The following PPFIA1 variants were observed in gnomAD, a reference collection of about 807,000 sequenced individuals.
PPFIA1 encodes the protein liprin-alpha-1.
In PPFIA1, 25 loss-of-function variants were observed where a neutral mutation model predicts 149.9. That is an observed-to-expected ratio of 0.17 (90% CI 0.12 to 0.23). The LOEUF is 0.23. PPFIA1 is among the 10% of genes least tolerant of loss of function. The pLI is 1.00. For missense variants in PPFIA1, 1,362 were observed against 1,506.5 expected (o/e 0.90, Z 1.59); for synonymous variants, 549 against 552.8 (o/e 0.99, Z 0.10).
chr11:70,289,807 T>C (rs1404219544), intron 2 of PPFIA1, among the ~76,000 whole-genome samples: 2 of 152,212 alleles, frequency 1.3e-5, no homozygotes, highest in African/African-American at 4.8e-5. Flanking sequence ...CCAGGTGTGG[T>C]GGCACACACC....
chr11:70,296,286 CGGGCAGAGGCTGCACTCT>C (rs1248592810), intron 2 of PPFIA1, among the ~76,000 whole-genome samples: 3 of 151,992 alleles, frequency 2.0e-5, no homozygotes, highest in African/African-American at 7.2e-5. Flanking sequence ...GGGTGGCGGC[CGGGCAGAGGCTGCACTCT>C]GGGCACTTTG....
rs1256101256 is a variant in PPFIA1, at chr11:70,355,707, A to G, written c.2384A>G (p.His795Arg). Reference protein sequence around the residue: ...SSSNSSQDSLHKAPKKKGIKS... With the variant: ...SSSNSSQDSLRKAPKKKGIKS... Reference sequence around the variant, plus strand: ...AGCAACAGTAGCCAGGACTCGCTCCACAAAGCCCCAAAGAAGAAAGGCATT... The same window carrying G: ...AGCAACAGTAGCCAGGACTCGCTCCGCAAAGCCCCAAAGAAGAAAGGCATT... Residue 795 changes from histidine to arginine, a missense_variant, in exon 18 of 28, where the codon CAC (histidine) becomes CGC (arginine). His to Arg is a conservative substitution (Grantham distance 29). Transcript: ENST00000253925. 3 of 1,614,062 alleles carry G rather than the reference A, an allele frequency of 1.9e-6. No homozygotes were observed. The highest frequency in any genetic ancestry group is 2.2e-5 in the East Asian group (1 of 44,892).
intron 16 of PPFIA1, 97 bp downstream of exon 16, chr11:70,348,517 C>G: frequency 3.9e-6 from 4 of 1,018,210 alleles, no homozygotes; most frequent in Non-Finnish European, 5.9e-6. Context: ...CAAGTACATT[C>G]GTTATTCTAA....
chr11:70,317,547 A>G (rs1474537903), intron 2 of PPFIA1, among the ~76,000 whole-genome samples: 1 of 152,202 alleles, frequency 6.6e-6, no homozygotes, highest in African/African-American at 2.4e-5. Context: ...AATAATAGAA[A>G]TTCCCTGTAT....
At position 70,326,787 on chromosome 11, in the gene PPFIA1, T is replaced by G. The variant is rs751708592; in HGVS notation, c.899T>G (p.Met300Arg). The G allele has an allele frequency of 6.2e-7, 1 of 1,613,926 alleles. No individual in the cohort carries two copies. Among genetic ancestry groups the G allele is most frequent in the East Asian group, 2.2e-5 (1 of 44,892 alleles). The change falls in exon 7 of 28, where the codon ATG becomes AGG. Residue 300 changes from methionine (M) to arginine (R), a missense_variant. Physicochemically the swap from Met to Arg is moderately conservative, Grantham distance 91. This residue lies in a region of PPFIA1 where 733 missense variants were observed against 744.1 expected (regional missense o/e 0.99). Transcript: ENST00000253925. ...ARKDLIKSEE[M>R]NTKLQRDVRE... is the part of the protein sequence containing the mutation. ...AAAGATCTCATCAAATCTGAAGAAA[T>G]GAACACAAAATTGCAACGAGATGTC...
intron 19 of PPFIA1, among the ~76,000 whole-genome samples, chr11:70,361,358 A>G (rs1351269288): frequency 6.6e-6 from 1 of 152,220 alleles, no homozygotes; most frequent in Non-Finnish European, 1.5e-5. Flanking sequence ...TGTAGACTTC[A>G]AATCATCTCT....
At chr11:70,374,020 T>C (rs2057380376) in intron 23 of PPFIA1, 1 of 152,246 alleles carries the variant, frequency 6.6e-6, no homozygotes, top group Non-Finnish European at 1.5e-5. Context: ...CATCTGCATA[T>C]ATTTTTAGAG....
At chr11:70,310,806 C>T (rs2053215385) in intron 2 of PPFIA1, among the ~76,000 whole-genome samples, 1 of 152,126 alleles carries the variant, frequency 6.6e-6, no homozygotes, top group Non-Finnish European at 1.5e-5. Context: ...TGTCATTTAA[C>T]GGAGACTGAA....
intron 19 of PPFIA1, among the ~76,000 whole-genome samples, chr11:70,360,570 G>A (rs1477935685): frequency 1.3e-5 from 2 of 152,244 alleles, no homozygotes; most frequent in Admixed American, 6.5e-5. Context: ...ACCCACTGGT[G>A]TGTGAAGGAA....
intron 10 of PPFIA1, chr11:70,334,277 C>CT (rs1051466337): frequency 6.6e-6 from 1 of 152,212 alleles, no homozygotes; most frequent in African/African-American, 2.4e-5. Flanking sequence ...CATGCAGCGT[C>CT]TAATTTTAGA....
chr11:70,277,264 C>G (rs767046925), intron 2 of PPFIA1, among the ~76,000 whole-genome samples: 25 of 151,776 alleles, frequency 1.6e-4, no homozygotes, highest in Admixed American at 3.9e-4. Flanking sequence ...GATCCTCCCC[C>G]CTTAGCCTCC....
chr11:70,281,831 C>T (rs1201099857), intron 2 of PPFIA1, among the ~76,000 whole-genome samples: 1 of 152,166 alleles, frequency 6.6e-6, no homozygotes, highest in Non-Finnish European at 1.5e-5. Flanking sequence ...TTGATGCCTG[C>T]AGACTTTCAA....
intron 2 of PPFIA1, among the ~76,000 whole-genome samples, chr11:70,280,054 C>T (rs1193113020): frequency 1.3e-5 from 2 of 151,796 alleles, no homozygotes; most frequent in Non-Finnish European, 1.5e-5. Flanking sequence ...ACTACAGGTG[C>T]GTGCCACCAC....
At chr11:70,341,699 G>C (rs1275954837) in intron 14 of PPFIA1, among the ~76,000 whole-genome samples, 2 of 152,198 alleles carry the variant, frequency 1.3e-5, no homozygotes, top group African/African-American at 4.8e-5. Context: ...GTGCCTGGAT[G>C]GAGACAAGGT....
At chr11:70,338,574 T>C in intron 13 of PPFIA1, 121 bp downstream of exon 13, 1 of 731,032 alleles carries the variant, frequency 1.4e-6, no homozygotes, top group Non-Finnish European at 2.3e-6. Flanking sequence ...TGTAGCTTAG[T>C]AGGAAGCGAG....
chr11:70,295,303 C>T (rs1346631928), intron 2 of PPFIA1, among the ~76,000 whole-genome samples: 3 of 130,902 alleles, frequency 2.3e-5, no homozygotes, highest in Non-Finnish European at 4.8e-5. Flanking sequence ...ACCTCCCTCC[C>T]GGATGGGGCG....
chr11:70,322,741 C>A (rs2054015676), intron 2 of PPFIA1, among the ~76,000 whole-genome samples: 1 of 152,124 alleles, frequency 6.6e-6, no homozygotes, highest in Admixed American at 6.5e-5. Context: ...TATTTAATTG[C>A]AATAAAATAT....
intron 5 of PPFIA1, 141 bp downstream of exon 5, chr11:70,325,715 T>G: frequency 1.7e-6 from 1 of 593,288 alleles, no homozygotes; most frequent in Non-Finnish European, 3.0e-6. Flanking sequence ...GCGGATCACC[T>G]GAGGTCAGGA....
chr11:70,297,273 G>A (rs1373063239), intron 2 of PPFIA1, among the ~76,000 whole-genome samples: 2 of 152,228 alleles, frequency 1.3e-5, no homozygotes, highest in Non-Finnish European at 1.5e-5. Context: ...TTTGGGCGTG[G>A]TGGTGCGTGC....
Sources: gnomAD v4.1 joint callset for allele counts (sites outside exome capture counted in the v4.1 genomes callset) on GRCh38, gnomAD v4.1.1 for gene constraint, gnomAD v4.1.1 regional missense constraint, MANE v1.5 for transcripts, NCBI Gene and HGNC (gene_info 2026-07-23, HGNC 2026-07-21) for gene names.